Variants in FREM1 observed in about 807,000 individuals in gnomAD.
FREM1 encodes FRAS1-related extracellular matrix protein 1.
In FREM1, 220 loss-of-function variants were observed where a neutral mutation model predicts 210.1. That is an observed-to-expected ratio of 1.05 (90% CI 0.94 to 1.17). FREM1 has a LOEUF of 1.17. Ranked by LOEUF, FREM1 falls within the 50% of genes most tolerant of loss-of-function variation. The probability of loss-of-function intolerance (pLI) is 0.00; values close to 1 mark genes in which losing one functional copy is unlikely to be tolerated. For missense variants in FREM1, 3,454 were observed against 2,675.5 expected (o/e 1.29, Z -6.42); for synonymous variants, 1,189 against 980.2 (o/e 1.21, Z -3.98).
rs1167382925 is a variant in FREM1, at chr9:14,824,045, C to G, written c.2149G>C (p.Glu717Gln). The change falls in exon 12 of 37, where the codon GAG (glutamate) becomes CAG (glutamine). Residue 717 changes from glutamate to glutamine, a missense_variant. Physicochemically the swap from Glu to Gln is conservative, Grantham distance 29. Transcript: ENST00000380880. ...CATACCTGAGTGAATGACCTCAGCT[C>G]CAGGGCCGTAGGATTCTTAACTACT... is the stretch of plus-strand genomic sequence containing the variant. ...PKVVKNPTAL[E>Q]LRSFTQHAVN... is the part of the protein sequence containing the mutation. 1 of 1,593,384 alleles carries G rather than the reference C, an allele frequency of 6.3e-7. No individual in the cohort carries two copies. The highest frequency in any genetic ancestry group is 1.7e-5 in the Admixed American group (1 of 57,584).
intron 8 of FREM1, 22 bp from the exon 9 acceptor site, chr9:14,842,682 G>A (rs761321557): frequency 1.9e-6 from 3 of 1,560,044 alleles, no homozygotes; most frequent in Admixed American, 3.4e-5. Flanking sequence ...AGCAGAGATG[G>A]AGCAGATTGA....
At chr9:14,847,305 C>G (rs994066003) in intron 7 of FREM1, among the ~76,000 whole-genome samples, 2 of 151,646 alleles carry the variant, frequency 1.3e-5, no homozygotes, top group African/African-American at 2.4e-5. Flanking sequence ...CTTACTCTTG[C>G]TTTTAGTATA....
At position 14,856,692 on chromosome 9, in the gene FREM1, G is replaced by T. The variant is rs144259442; in HGVS notation, c.828+861C>A. On this transcript the variant is annotated intron_variant, in intron 5 of 36. Transcript: ENST00000380880. ...ACTAAAAATACAAAAAATTGGCCGG[G>T]CGTGGTGGCAGGCGCCTGTAGTCCC... 2.3e-3 allele frequency among the ~76,000 whole-genome samples: 354 copies of T among 152,154 alleles called. 2 individuals carry two copies. The highest frequency in any genetic ancestry group is 8.3e-3 in the African/African-American group (345 of 41,528).
At chr9:14,861,945 C>T (rs1433691732) in intron 3 of FREM1, among the ~76,000 whole-genome samples, 2 of 152,222 alleles carry the variant, frequency 1.3e-5, no homozygotes, top group African/African-American at 4.8e-5. Flanking sequence ...ACTGTTTGTA[C>T]TCATTAACCA....
chr9:14,903,198 G>C (rs1588678009), intron 1 of FREM1, among the ~76,000 whole-genome samples: 1 of 152,308 alleles, frequency 6.6e-6, no homozygotes, highest in South Asian at 2.1e-4. Flanking sequence ...TAGATCTAAT[G>C]TGTGAAAGTA....
chr9:14,820,266 T>C (rs1234874683), intron 13 of FREM1, among the ~76,000 whole-genome samples: 7 of 152,214 alleles, frequency 4.6e-5, no homozygotes, highest in African/African-American at 1.7e-4. Context: ...CTGCTAACTT[T>C]GTTTAACCTA....
chr9:14,740,199 T>C lies in FREM1; in HGVS notation c.6290A>G (p.Gln2097Arg). The C allele has an allele frequency of 6.2e-7, 1 of 1,613,418 alleles. No individual in the cohort carries two copies. The highest frequency in any genetic ancestry group is 8.5e-7 in the Non-Finnish European group (1 of 1,179,540). Residue 2097 changes from glutamine (Q) to arginine (R), a missense_variant, in exon 36 of 37, where the codon CAG (glutamine) becomes CGG (arginine). Coordinates refer to ENST00000380880, the MANE Select transcript of FREM1 (RefSeq NM_001379081.2). ...AATGTCCCAGAGCCACCGCATGTGC[T>C]GCCTGGAGAATACAGTTACAAGGTT... Reference protein sequence around the residue: ...LGNLVTVFSRQHMRWLWDIGG... With the variant: ...LGNLVTVFSRRHMRWLWDIGG...
chr9:14,744,198 A>C (rs1178754925), intron 35 of FREM1, among the ~76,000 whole-genome samples: 1 of 152,160 alleles, frequency 6.6e-6, no homozygotes, highest in Admixed American at 6.5e-5. Flanking sequence ...AAGGTGGTTT[A>C]ACTAGTTTTT....
At chr9:14,766,833 A>C (rs1192728930) in intron 27 of FREM1, among the ~76,000 whole-genome samples, 1 of 152,206 alleles carries the variant, frequency 6.6e-6, no homozygotes, top group East Asian at 1.9e-4. Context: ...CGTTTAGCTC[A>C]TTGATTAATA....
chr9:14,742,320 G>C (rs1293261192), intron 35 of FREM1, among the ~76,000 whole-genome samples: 2 of 152,126 alleles, frequency 1.3e-5, no homozygotes, highest in African/African-American at 4.8e-5. Flanking sequence ...AGGGGTTCCA[G>C]ACACTCCTGC....
At chr9:14,831,902 G>A (rs538043736) in intron 10 of FREM1, among the ~76,000 whole-genome samples, 91 of 152,318 alleles carry the variant, frequency 6.0e-4, no homozygotes, top group Middle Eastern at 3.4e-3. Context: ...AGCGGGTGCC[G>A]GGAATCCAAG....
intron 2 of FREM1, among the ~76,000 whole-genome samples, chr9:14,868,455 A>T (rs1161769664): frequency 6.6e-6 from 1 of 152,214 alleles, no homozygotes. Context: ...TTTGAACCTG[A>T]TTTCCTCTAT....
chr9:14,791,924 C>A (rs180850744), intron 22 of FREM1, among the ~76,000 whole-genome samples: 86 of 152,156 alleles, frequency 5.7e-4, no homozygotes, highest in East Asian at 2.1e-3. Context: ...CCTCTCCCCC[C>A]TCTCCCGGGT....
At position 14,813,040 on chromosome 9, in the gene FREM1, G is replaced by A. The variant is rs1819680455; in HGVS notation, c.2665C>T (p.Pro889Ser). 6.2e-7 allele frequency: 1 copy of A among 1,610,396 alleles called. No homozygotes were observed. The highest frequency in any genetic ancestry group is 8.5e-7 in the Non-Finnish European group (1 of 1,177,412). Residue 889 changes from proline (P) to serine (S), a missense_variant, in exon 16 of 37, where the codon CCA (proline) becomes TCA (serine). Transcript: ENST00000380880. ...GGCATGAGGTCAGCCTTTAAGACTG[G>A]TGGCTCATCGTTGACAGGGAATACC... is the stretch of plus-strand genomic sequence containing the variant. Reference protein sequence around the residue: ...VEVFPVNDEPPVLKADLMPVM... With the variant: ...VEVFPVNDEPSVLKADLMPVM...
intron 1 of FREM1, among the ~76,000 whole-genome samples, chr9:14,894,239 C>T (rs566212831): frequency 1.3e-4 from 20 of 152,128 alleles, no homozygotes; most frequent in Non-Finnish European, 2.8e-4. Context: ...TGGAAAAATT[C>T]CTATAATTCT....
intron 1 of FREM1, among the ~76,000 whole-genome samples, chr9:14,888,686 A>C (rs1171014861): frequency 6.6e-6 from 1 of 152,194 alleles, no homozygotes; most frequent in African/African-American, 2.4e-5. Flanking sequence ...TAAATCAATA[A>C]AATGTGTGTT....
chr9:14,902,344 T>A (rs1004444776), intron 1 of FREM1, among the ~76,000 whole-genome samples: 3 of 152,166 alleles, frequency 2.0e-5, no homozygotes, highest in African/African-American at 7.2e-5. Flanking sequence ...ATGGTTGATA[T>A]CATTTGCCAT....
chr9:14,820,140 A>G (rs1312822700), intron 13 of FREM1, among the ~76,000 whole-genome samples: 1 of 152,242 alleles, frequency 6.6e-6, no homozygotes, highest in Non-Finnish European at 1.5e-5. Flanking sequence ...GGAGGGAGCA[A>G]TAAGTGTTCT....
At chr9:14,873,663 T>C (rs1294919500) in intron 1 of FREM1, among the ~76,000 whole-genome samples, 2 of 152,178 alleles carry the variant, frequency 1.3e-5, no homozygotes, top group Non-Finnish European at 1.5e-5. Flanking sequence ...GTGTCTCTAT[T>C]TCCTTCAGTT....
Sources: gnomAD v4.1 joint callset for allele counts (sites outside exome capture counted in the v4.1 genomes callset) on GRCh38, gnomAD v4.1.1 for gene constraint, MANE v1.5 for transcripts, NCBI Gene and HGNC (gene_info 2026-07-23, HGNC 2026-07-21) for gene names.